Variants in KCTD20 observed in about 807,000 individuals in gnomAD.
The protein encoded by KCTD20 is BTB/POZ domain-containing protein KCTD20.
KCTD20 carries 30 observed loss-of-function variants against 39.6 expected under a neutral mutation model. The observed-to-expected ratio is 0.76, with a 90% CI of 0.57 to 1.03. KCTD20 has a LOEUF of 1.03. KCTD20 is among the 50% of genes least tolerant of loss of function. The probability of loss-of-function intolerance (pLI) is 0.00; values close to 1 mark genes in which losing one functional copy is unlikely to be tolerated. For synonymous variants in KCTD20, 162 were observed against 180.6 expected, an observed-to-expected ratio of 0.90 and a Z score of 0.83; for missense variants, 422 against 522.0, an observed-to-expected ratio of 0.81 and a Z score of 1.87.
At chr6:36,474,251 A>C (rs1189320395) in intron 2 of KCTD20, among the ~76,000 whole-genome samples, 1 of 127,256 alleles carries the variant, frequency 7.9e-6, no homozygotes, top group Non-Finnish European at 1.6e-5. Flanking sequence ...CAGTCACCAG[A>C]GTGTAATATT....
rs559687288 is a variant in KCTD20, at chr6:36,448,015, G to GTGTA, written c.-47+4905_-47+4906insGTAT. ...CCAAAATATATGTGTATGTGTGTGT[G>GTGTA]TATATATATATATATATATATATAT... On this transcript the variant is annotated intron_variant, in intron 1 of 7. Coordinates refer to ENST00000373731, the MANE Select transcript of KCTD20 (RefSeq NM_173562.5). Among the ~76,000 whole-genome samples, 125 of 128,948 alleles carry GTGTA rather than the reference G, an allele frequency of 9.7e-4. 1 individual carries two copies. The highest frequency in any genetic ancestry group is 4.2e-3 in the African/African-American group (121 of 29,082). The allele number at this position is 128,948 out of a possible 152,430, so 84.6% of individuals were successfully genotyped here.
rs976681871 is a variant in KCTD20, at chr6:36,477,434, G to A, written c.435-1687G>A. On this transcript the variant is annotated intron_variant, in intron 3 of 7. Transcript: ENST00000373731. ...TTTTATCAAGATGGAATTCTTATGT[G>A]TGGTACAGTTATTTGGGAAGCATGT... 2.6e-5 allele frequency among the ~76,000 whole-genome samples: 4 copies of A among 151,526 alleles called. No individual in the cohort carries two copies. The East Asian group carries it at 7.8e-4, about 29-fold the overall frequency.
intron 7 of KCTD20, 38 bp downstream of exon 7, chr6:36,484,862 T>C: frequency 1.6e-6 from 2 of 1,231,698 alleles, no homozygotes; most frequent in Non-Finnish European, 2.4e-6. Context: ...ACATTCAGGT[T>C]GGGTCTATTG....
At position 36,490,555 on chromosome 6, in the gene KCTD20, T is replaced by G. The variant is rs1776557107; in HGVS notation, c.*3380T>G. ...CCATCTCAAAAAAGAAAAAAAAAAATTAAAGGTTTTGGCTGGGTGCAGTGG... is the reference window on the plus strand; with the variant it reads ...CCATCTCAAAAAAGAAAAAAAAAAAGTAAAGGTTTTGGCTGGGTGCAGTGG... On this transcript the variant is annotated 3_prime_UTR_variant, in exon 8 of 8. Coordinates refer to ENST00000373731, the MANE Select transcript of KCTD20 (RefSeq NM_173562.5). 7.0e-6 allele frequency: 1 copy of G among 142,930 alleles called. No homozygotes were observed. Among genetic ancestry groups the G allele is most frequent in the African/African-American group, 2.6e-5 (1 of 37,956 alleles). The allele number at this position is 142,930 out of a possible 1,614,324, so 8.9% of individuals were successfully genotyped here. A position where few individuals can be genotyped will look rare whatever the true frequency, so the allele number is the denominator to read the frequency against.
At chr6:36,447,765 C>T (rs1775092774) in intron 1 of KCTD20, among the ~76,000 whole-genome samples, 1 of 151,798 alleles carries the variant, frequency 6.6e-6, no homozygotes, top group Non-Finnish European at 1.5e-5. Flanking sequence ...CTGACATGGG[C>T]ACATCGCTTG....
intron 3 of KCTD20, among the ~76,000 whole-genome samples, chr6:36,478,101 A>AAAAAAAAAGAAAAG (rs112536319): frequency 6.9e-6 from 1 of 145,702 alleles, no homozygotes; most frequent in Non-Finnish European, 1.5e-5. Flanking sequence ...TCTCAAAAAA[A>AAAAAAAAAGAAAAG]AAAAGAAAAG....
In KCTD20 at chr6:36,470,158, G is replaced by C; in HGVS notation, c.61G>C (p.Val21Leu). The change falls in exon 2 of 8, where the codon GTG becomes CTG. Residue 21 changes from valine to leucine, a missense_variant. Val to Leu is a conservative substitution (Grantham distance 32). Coordinates refer to ENST00000373731, the MANE Select transcript of KCTD20 (RefSeq NM_173562.5). ...RLLRQEASCLVDDTLAVAQEK... is the reference protein window; with the variant it reads ...RLLRQEASCLLDDTLAVAQEK... ...ATTGCGGCAGGAGGCCAGCTGCTTA[G>C]TGGATGATACTTTAGCTGTAGCCCA... 9 of 1,614,116 alleles carry C rather than the reference G, an allele frequency of 5.6e-6. 1 individual carries two copies. The South Asian group carries it at 9.9e-5, about 18-fold the overall frequency.
In KCTD20 at chr6:36,479,126, T is replaced by G; in HGVS notation, c.440T>G (p.Phe147Cys). 1.9e-6 allele frequency: 3 copies of G among 1,606,224 alleles called. No individual in the cohort carries two copies. Among genetic ancestry groups the G allele is most frequent in the South Asian group, 1.1e-5 (1 of 90,786 alleles). ...AHPDTMLGRM[F>C]GPGREYNFTR... ...ATTGCCTGGATATCTTTCAGGATGT[T>G]TGGACCAGGAAGAGAGTACAACTTC... is the stretch of plus-strand genomic sequence containing the variant. The change falls in exon 4 of 8, where the codon TTT becomes TGT. Residue 147 changes from phenylalanine to cysteine, a missense_variant. By Grantham distance (205) the Phe-to-Cys change is radical (BLOSUM62 -2). Transcript: ENST00000373731.
At chr6:36,477,684 A>C (rs1582360299) in intron 3 of KCTD20, among the ~76,000 whole-genome samples, 1 of 149,782 alleles carries the variant, frequency 6.7e-6, no homozygotes, top group South Asian at 2.1e-4. Context: ...ACAGGGTTTC[A>C]CCATTCTAGC....
chr6:36,481,528 AG>A lies in KCTD20; in HGVS notation c.659-33del, dbSNP rs758168380. The A allele has an allele frequency of 6.0e-4, 911 of 1,517,390 alleles. 4 individuals are homozygous for A. Among genetic ancestry groups the A allele is most frequent in the Middle Eastern group, 1.2e-3 (7 of 5,874 alleles). 94.0% of individuals were successfully genotyped at this position (1,517,390 alleles called of 1,614,324 possible). ...ACTCCAGTAATATGTGCATTTAGGCAGAAAGCATGTTCACCTACATTTTCTC... is the reference window on the plus strand; with the variant it reads ...ACTCCAGTAATATGTGCATTTAGGCAAAAGCATGTTCACCTACATTTTCTC... On this transcript the variant is annotated intron_variant, in intron 5 of 7. Coordinates refer to ENST00000373731, the MANE Select transcript of KCTD20 (RefSeq NM_173562.5).
chr6:36,482,386 T>C (rs1456725611), intron 6 of KCTD20, among the ~76,000 whole-genome samples: 1 of 151,868 alleles, frequency 6.6e-6, no homozygotes, highest in Non-Finnish European at 1.5e-5. Context: ...AGCCCATCTC[T>C]ACTAAAAATA....
chr6:36,483,383 T>G (rs1776322514), intron 6 of KCTD20, among the ~76,000 whole-genome samples: 1 of 151,754 alleles, frequency 6.6e-6, no homozygotes, highest in Non-Finnish European at 1.5e-5. Flanking sequence ...CGGCTAATTT[T>G]TGTATTATTA....
At position 36,487,485 on chromosome 6, in the gene KCTD20, C is replaced by T; in HGVS notation, c.*310C>T. 1 of 345,342 alleles carries T rather than the reference C, an allele frequency of 2.9e-6. No individual in the cohort carries two copies. Among genetic ancestry groups the T allele is most frequent in the South Asian group, 5.3e-5 (1 of 18,978 alleles). 21.4% of individuals were successfully genotyped at this position (345,342 alleles called of 1,614,324 possible). On this transcript the variant is annotated 3_prime_UTR_variant, in exon 8 of 8. Coordinates refer to ENST00000373731, the MANE Select transcript of KCTD20 (RefSeq NM_173562.5). ...GAAAGGAAGTCAAGACTCCTGTTGC[C>T]TCGTGCTTAGCAAAGCAGTCCTTAT...
chr6:36,470,136 G>C lies in KCTD20; in HGVS notation c.39G>C (p.Leu13Phe). The part of the protein sequence containing the change: ...VHRGSDSDRL[L>F]RQEASCLVDD... ...GTGGCAGTGACAGTGACAGGTTATT[G>C]CGGCAGGAGGCCAGCTGCTTAGTGG... The change falls in exon 2 of 8, where the codon TTG becomes TTC. Residue 13 changes from leucine (L) to phenylalanine (F), a missense_variant. Transcript: ENST00000373731. 1 of 1,614,016 alleles carries C rather than the reference G, an allele frequency of 6.2e-7. No homozygotes were observed. The highest frequency in any genetic ancestry group is 8.5e-7 in the Non-Finnish European group (1 of 1,179,950).
At position 36,453,769 on chromosome 6, in the gene KCTD20, C is replaced by G. The variant is rs1775342569; in HGVS notation, c.-47+10658C>G. Among the ~76,000 whole-genome samples, 3 of 152,222 alleles carry G rather than the reference C, an allele frequency of 2.0e-5. No homozygotes were observed. In the South Asian group the frequency reaches 6.2e-4, roughly 32 times the overall value. The stretch of plus-strand genomic sequence containing the variant: ...AGGTGATCCGCCCGCCTTGGCCTCC[C>G]AAAGTGCTGGGATTACAGATATGAG... On this transcript the variant is annotated intron_variant, in intron 1 of 7. Coordinates refer to ENST00000373731, the MANE Select transcript of KCTD20 (RefSeq NM_173562.5).
rs372499387 is a variant in KCTD20 at position 36,475,713 on chromosome 6, TG to T, written c.434+656del. The stretch of plus-strand genomic sequence containing the variant: ...TCAGAGTTTCACAGGTCAAAGATGT[TG>T]GGGGTAAGGTGAGACCTAAATCTTG... On this transcript the variant is annotated intron_variant, in intron 3 of 7. Coordinates refer to ENST00000373731, the MANE Select transcript of KCTD20 (RefSeq NM_173562.5). Among the ~76,000 whole-genome samples, 1,016 of 151,898 alleles carry T rather than the reference TG, an allele frequency of 6.7e-3. 5 individuals are homozygous for T. The highest frequency in any genetic ancestry group is 0.019 in the African/African-American group (793 of 41,404).
At chr6:36,482,450 G>A (rs1422592553) in intron 6 of KCTD20, among the ~76,000 whole-genome samples, 4 of 152,196 alleles carry the variant, frequency 2.6e-5, no homozygotes, top group African/African-American at 9.6e-5. Context: ...CTACTCAGGA[G>A]GCTGAGGCAG....
At chr6:36,449,295 A>G (rs1328176965) in intron 1 of KCTD20, among the ~76,000 whole-genome samples, 1 of 152,078 alleles carries the variant, frequency 6.6e-6, no homozygotes, top group Non-Finnish European at 1.5e-5. Context: ...TGGTGCATTT[A>G]TAAACCTTTA....
intron 1 of KCTD20, among the ~76,000 whole-genome samples, chr6:36,453,112 A>AT (rs1561943577): frequency 1.3e-5 from 2 of 148,490 alleles, no homozygotes; most frequent in Non-Finnish European, 3.0e-5. Flanking sequence ...GGCTCAAGCA[A>AT]TTTGAGTGCC....
Sources: allele counts gnomAD v4.1 joint callset (sites outside exome capture counted in the v4.1 genomes callset), GRCh38; gene constraint gnomAD v4.1.1; transcripts MANE v1.5; gene names NCBI Gene and HGNC (gene_info 2026-07-23, HGNC 2026-07-21).